The following PRRC2B variants were observed in gnomAD, a reference collection of about 807,000 sequenced individuals.
The protein encoded by PRRC2B is protein PRRC2B.
In PRRC2B, 68 loss-of-function variants were observed where a neutral mutation model predicts 242.3. That is an observed-to-expected ratio of 0.28 (90% CI 0.23 to 0.34). The LOEUF (loss-of-function observed/expected upper bound fraction) is 0.34, where lower values mean the gene tolerates loss of function less well. Among genes scored for constraint, PRRC2B ranks in the 10% least tolerant of loss-of-function variants. The pLI, the probability that PRRC2B is intolerant of heterozygous loss-of-function variation, is 1.00. For missense variants in PRRC2B, 2,835 were observed against 2,954.8 expected (o/e 0.96, Z 0.94); for synonymous variants, 1,228 against 1,173.6 (o/e 1.05, Z -0.95).
At chr9:131,395,950 G>C (rs961529981) in intron 1 of PRRC2B, among the ~76,000 whole-genome samples, 2 of 152,180 alleles carry the variant, frequency 1.3e-5, no homozygotes, top group African/African-American at 4.8e-5. Flanking sequence ...GCTTTCCTTG[G>C]GGATTGGCAG....
chr9:131,467,804 G>T, intron 13 of PRRC2B, 51 bp downstream of exon 13: 1 of 1,580,920 alleles, frequency 6.3e-7, no homozygotes, highest in Non-Finnish European at 8.7e-7. Context: ...TGAGTGCCGA[G>T]CAGATGTTTC....
upstream of PRRC2B, among the ~76,000 whole-genome samples, chr9:131,390,413 G>T (rs963225877): frequency 2.0e-5 from 3 of 148,160 alleles, 1 homozygote; most frequent in Non-Finnish European, 4.5e-5. Flanking sequence ...TGGTCAGGGA[G>T]GTAGGAGATG....
intron 10 of PRRC2B, among the ~76,000 whole-genome samples, chr9:131,458,523 C>T (rs1385316474): frequency 6.7e-6 from 1 of 149,576 alleles, no homozygotes; most frequent in Non-Finnish European, 1.5e-5. Context: ...TTTTCTGAGA[C>T]GGAGTCTCTC....
chr9:131,444,152 A>G, intron 5 of PRRC2B, 33 bp from the exon 6 acceptor site: 1 of 1,612,564 alleles, frequency 6.2e-7, no homozygotes, highest in Non-Finnish European at 8.5e-7. Flanking sequence ...ACTCCATCTC[A>G]CTTCCTCCAT....
At chr9:131,380,865 G>C (rs950638764) in intron 1 of PRRC2B, among the ~76,000 whole-genome samples, 1 of 93,948 alleles carries the variant, frequency 1.1e-5, no homozygotes, top group African/African-American at 3.5e-5. Flanking sequence ...GTGACAGTGT[G>C]ACAGTGTGAG....
intron 23 of PRRC2B, among the ~76,000 whole-genome samples, chr9:131,483,834 C>T (rs994991154): frequency 6.6e-6 from 1 of 152,186 alleles, no homozygotes; most frequent in Non-Finnish European, 1.5e-5. Context: ...ATCCAGAAGA[C>T]CTGCTGGCGC....
At chr9:131,385,147 A>ATAGGCGCCCGCCAC (rs1412618220) in intron 1 of PRRC2B, among the ~76,000 whole-genome samples, 38 of 150,132 alleles carry the variant, frequency 2.5e-4, no homozygotes, top group Admixed American at 8.2e-4. Flanking sequence ...AGCTGGGATT[A>ATAGGCGCCCGCCAC]CAGGCATGAG....
rs747605316 is a variant in PRRC2B at position 131,487,716 on chromosome 9, C to G, written c.5985-140C>G. 267 of 1,145,944 alleles carry G rather than the reference C, an allele frequency of 2.3e-4. 1 individual carries two copies. Among genetic ancestry groups the G allele is most frequent in the Non-Finnish European group, 4.4e-5 (36 of 827,058 alleles). The allele number at this position is 1,145,944 out of a possible 1,614,324, so 71.0% of individuals were successfully genotyped here. Reference sequence around the variant, plus strand: ...TAGGAGCTTGTTCTCAGGCCCCATCCTGGACCCTCTGAGTCGCGCTCTGGG... The same window carrying G: ...TAGGAGCTTGTTCTCAGGCCCCATCGTGGACCCTCTGAGTCGCGCTCTGGG... On this transcript the variant is annotated intron_variant, in intron 27 of 31. Transcript: ENST00000683519. The surrounding 1 kb of genome is among the most constrained non-coding windows in gnomAD (Gnocchi z 5.3).
chr9:131,375,756 C>T (rs553350904), intron 1 of PRRC2B, among the ~76,000 whole-genome samples: 6 of 152,172 alleles, frequency 3.9e-5, no homozygotes, highest in Non-Finnish European at 5.9e-5. Context: ...CGGCTGGGCG[C>T]GGTGGCTCAG....
chr9:131,378,224 G>A (rs1314849753), intron 1 of PRRC2B, among the ~76,000 whole-genome samples: 3 of 151,084 alleles, frequency 2.0e-5, no homozygotes, highest in Non-Finnish European at 4.4e-5. Context: ...CAGGAGAATC[G>A]CTTGAACCCA....
At chr9:131,428,071 A>G (rs1031182668) in intron 1 of PRRC2B, among the ~76,000 whole-genome samples, 2 of 151,568 alleles carry the variant, frequency 1.3e-5, no homozygotes, top group Non-Finnish European at 2.9e-5. Context: ...ACAGGTGTGC[A>G]CCACCATGCC....
At position 131,432,751 on chromosome 9, in the gene PRRC2B, G is replaced by T. The variant is rs746065388; in HGVS notation, c.250G>T (p.Gly84Trp). The T allele has an allele frequency of 6.2e-7, 1 of 1,614,024 alleles. No individual in the cohort carries two copies. The highest frequency in any genetic ancestry group is 1.1e-5 in the South Asian group (1 of 91,078). Residue 84 changes from glycine (G) to tryptophan (W), a missense_variant, in exon 3 of 32, where the codon GGG becomes TGG. Physicochemically the swap from Gly to Trp is radical, Grantham distance 184. Coordinates refer to ENST00000683519, the MANE Select transcript of PRRC2B (RefSeq NM_013318.4). ...CAACATCGTGATAGTACCCAAGGAC[G>T]GGACGGGATGGGCAAACAAGCAGGA... ...DPNIVIVPKDGTGWANKQDQQ... is the reference protein window; with the variant it reads ...DPNIVIVPKDWTGWANKQDQQ...
chr9:131,458,852 C>G (rs1479722603), intron 10 of PRRC2B, among the ~76,000 whole-genome samples: 4 of 152,176 alleles, frequency 2.6e-5, no homozygotes, highest in African/African-American at 9.7e-5. Flanking sequence ...GCGCTGCATC[C>G]AGAGCCCAGG....
At position 131,494,540 on chromosome 9, in the gene PRRC2B, A is replaced by G; in HGVS notation, c.6555+54A>G. 2 of 987,772 alleles carry G rather than the reference A, an allele frequency of 2.0e-6. No individual in the cohort carries two copies. The highest frequency in any genetic ancestry group is 1.6e-6 in the Non-Finnish European group (1 of 644,622). The allele number at this position is 987,772 out of a possible 1,614,324, so 61.2% of individuals were successfully genotyped here. On this transcript the variant is annotated intron_variant, in intron 31 of 31. Transcript: ENST00000683519. This position sits in a 1 kb window ranked among gnomAD's most constrained non-coding sequence, Gnocchi z 4.3. ...CCCTGGACACTTAGGCCCGTCTCCA[A>G]GCGCCAAAAGAGAAGGGACTGTCCA...
At chr9:131,491,717 G>A in intron 29 of PRRC2B, 137 bp downstream of exon 29, 1 of 834,020 alleles carries the variant, frequency 1.2e-6, no homozygotes, top group African/African-American at 1.7e-5. Context: ...AGGTGACCAT[G>A]TGTGGGGCCA....
chr9:131,381,471 T>C (rs1450081287), intron 1 of PRRC2B, among the ~76,000 whole-genome samples: 14 of 145,000 alleles, frequency 9.7e-5, no homozygotes, highest in Non-Finnish European at 7.5e-5. Flanking sequence ...CAGGCTGGAG[T>C]GCAATGGTGC....
In PRRC2B at chr9:131,475,180, C is replaced by T. The variant is rs1344000981; in HGVS notation, c.3051C>T (p.Ala1017=). ...GCCATGCCACTTTTGGCCGCGAGGC[C>T]ACCAAATTTGAAGAGGAGGAGAAAC... ...GPGHATFGRE[A]TKFEEEEKPD... Residue 1017 remains alanine (A), a synonymous_variant, in exon 16 of 32, where the codon GCC becomes GCT. Transcript: ENST00000683519. The T allele has an allele frequency of 9.3e-6, 15 of 1,613,410 alleles. No individual in the cohort carries two copies. Among genetic ancestry groups the T allele is most frequent in the Non-Finnish European group, 1.2e-5 (14 of 1,179,776 alleles).
chr9:131,433,705 T>G (rs1838252308), intron 3 of PRRC2B, among the ~76,000 whole-genome samples: 2 of 152,152 alleles, frequency 1.3e-5, no homozygotes, highest in Non-Finnish European at 2.9e-5. Context: ...CCTGCTGATG[T>G]AGGAAACCAG....
At chr9:131,474,312 T>G in intron 15 of PRRC2B, 142 bp from the exon 16 acceptor site, 1 of 722,254 alleles carries the variant, frequency 1.4e-6, no homozygotes, top group Non-Finnish European at 2.2e-6. Flanking sequence ...TTGTTTTTTG[T>G]TTTGTTTTTC....
Sources: allele counts gnomAD v4.1 joint callset (sites outside exome capture counted in the v4.1 genomes callset), GRCh38; gene constraint gnomAD v4.1.1; non-coding constraint Gnocchi (gnomAD v3.1); transcripts MANE v1.5; gene names NCBI Gene and HGNC (gene_info 2026-07-23, HGNC 2026-07-21).